DNAH17: variants seen among roughly 807,000 people sequenced by gnomAD.
DNAH17 encodes dynein axonemal heavy chain 17.
DNAH17 carries 376 observed loss-of-function variants against 485.6 expected under a neutral mutation model. That is an observed-to-expected ratio of 0.77 (90% CI 0.71 to 0.84). The LOEUF (loss-of-function observed/expected upper bound fraction) is 0.84. Among genes scored for constraint, DNAH17 ranks in the 40% least tolerant of loss-of-function variants. The pLI, the probability that DNAH17 is intolerant of heterozygous loss-of-function variation, is 0.00. For missense variants in DNAH17, 6,370 were observed against 5,839.3 expected (o/e 1.09, Z -2.96); for synonymous variants, 3,031 against 2,405.9 (o/e 1.26, Z -7.60).
At chr17:78,571,226 C>T (rs1482020831) in intron 5 of DNAH17, 53 bp downstream of exon 5, 2 of 1,518,994 alleles carry the variant, frequency 1.3e-6, no homozygotes, top group East Asian at 2.3e-5. Context: ...CCCAGCCCTC[C>T]CAGGAGGCAC....
chr17:78,428,351 C>T, intron 77 of DNAH17, 174 bp downstream of exon 77: 1 of 762,490 alleles, frequency 1.3e-6, no homozygotes, highest in Non-Finnish European at 2.2e-6. Context: ...GTCTGAGGAC[C>T]TGCTGACCAG....
At chr17:78,564,374 G>T (rs1421121265) in intron 11 of DNAH17, among the ~76,000 whole-genome samples, 1 of 152,186 alleles carries the variant, frequency 6.6e-6, no homozygotes, top group South Asian at 2.1e-4. Flanking sequence ...TAATTTTTCA[G>T]ATTTTTCCAC....
At chr17:78,487,607 T>C (rs913776962) in intron 44 of DNAH17, among the ~76,000 whole-genome samples, 1 of 152,160 alleles carries the variant, frequency 6.6e-6, no homozygotes, top group Non-Finnish European at 1.5e-5. Context: ...TCACTGCAAC[T>C]TCTGCCTCCT....
chr17:78,530,561 G>T (rs766375085), intron 20 of DNAH17, 49 bp from the exon 21 acceptor site: 2 of 1,563,948 alleles, frequency 1.3e-6, no homozygotes, highest in East Asian at 2.3e-5. Context: ...AAGCCTAGGG[G>T]GGGCGTCAGC....
intron 25 of DNAH17, among the ~76,000 whole-genome samples, chr17:78,524,296 C>T (rs950461430): frequency 6.6e-6 from 1 of 152,160 alleles, no homozygotes; most frequent in African/African-American, 2.4e-5. Context: ...CACCACCACG[C>T]CCAGTTAATT....
intron 19 of DNAH17, among the ~76,000 whole-genome samples, chr17:78,535,328 T>C (rs2091346553): frequency 6.6e-6 from 1 of 152,172 alleles, no homozygotes; most frequent in South Asian, 2.1e-4. Flanking sequence ...CACTTGGGCC[T>C]AAAATCACAG....
chr17:78,542,440 G>A (rs1005089244), intron 17 of DNAH17, among the ~76,000 whole-genome samples: 4 of 152,256 alleles, frequency 2.6e-5, no homozygotes, highest in South Asian at 2.1e-4. Context: ...GAGCCACTAC[G>A]CCCAGCCGTT....
At chr17:78,530,839 T>TAGCTC (rs1444446206) in intron 20 of DNAH17, among the ~76,000 whole-genome samples, 1 of 152,164 alleles carries the variant, frequency 6.6e-6, no homozygotes, top group Admixed American at 6.5e-5. Flanking sequence ...AGGGCATCCC[T>TAGCTC]AGCTCATCCT....
Position 78,423,783 on chromosome 17 carries a change from CT to C in DNAH17, c.*122del. The C allele has an allele frequency of 7.6e-7, 1 of 1,307,530 alleles. No individual in the cohort carries two copies. The highest frequency in any genetic ancestry group is 1.1e-6 in the Non-Finnish European group (1 of 943,632). The allele number at this position is 1,307,530 out of a possible 1,614,324, so 81.0% of individuals were successfully genotyped here. A position where few individuals can be genotyped will look rare whatever the true frequency, so the allele number is the denominator to read the frequency against. Reference sequence around the variant, plus strand: ...TCCGATGTGCTTGGTTACAAAGCACCTGATTATTTAAGAGAACGAAAAACCA... The same window carrying C: ...TCCGATGTGCTTGGTTACAAAGCACCGATTATTTAAGAGAACGAAAAACCA... On this transcript the variant is annotated 3_prime_UTR_variant, in exon 81 of 81. Transcript: ENST00000389840.
chr17:78,572,622 G>A (rs893063681), intron 3 of DNAH17, 79 bp downstream of exon 3: 10 of 1,296,650 alleles, frequency 7.7e-6, no homozygotes, highest in Non-Finnish European at 1.0e-5. Flanking sequence ...GGAGTGGGGT[G>A]GAGTGGGGTG....
At chr17:78,517,788 C>T (rs1455966224) in intron 25 of DNAH17, among the ~76,000 whole-genome samples, 3 of 152,202 alleles carry the variant, frequency 2.0e-5, no homozygotes, top group Non-Finnish European at 4.4e-5. Context: ...CTGTTACTTC[C>T]AGCTTCTCTC....
At position 78,486,001 on chromosome 17, in the gene DNAH17, T is replaced by TA; in HGVS notation, c.7233dup (p.Lys2412Ter). 1 of 1,613,812 alleles carries TA rather than the reference T, an allele frequency of 6.2e-7. No homozygotes were observed. The highest frequency in any genetic ancestry group is 1.1e-5 in the South Asian group (1 of 91,058). ...GGATCCAGCTCAAAGGAGGGCACTT[T>TA]ATCTGTCCAGGGCAGGAACTTTTTT... On this transcript the variant is annotated frameshift_variant, in exon 46 of 81. Coordinates refer to ENST00000389840, the MANE Select transcript of DNAH17 (RefSeq NM_173628.4). LOFTEE classifies it high-confidence loss of function.
At chr17:78,575,877 A>C (rs1413222529) in intron 1 of DNAH17, among the ~76,000 whole-genome samples, 1 of 152,262 alleles carries the variant, frequency 6.6e-6, no homozygotes, top group Non-Finnish European at 1.5e-5. Context: ...ATGCAAACAA[A>C]TTTATGAACA....
chr17:78,451,771 C>G, intron 65 of DNAH17, 98 bp from the exon 66 acceptor site: 1 of 1,067,678 alleles, frequency 9.4e-7, no homozygotes, highest in South Asian at 1.6e-5. Flanking sequence ...CAGGCCAGGC[C>G]GCCACCTTGA....
intron 16 of DNAH17, among the ~76,000 whole-genome samples, chr17:78,544,997 A>C (rs1433355357): frequency 6.6e-6 from 1 of 151,958 alleles, no homozygotes; most frequent in African/African-American, 2.4e-5. Context: ...CCTCCATCCC[A>C]TCCCCCACTG....
At chr17:78,449,282 T>C (rs2087443588) in intron 69 of DNAH17, 132 bp downstream of exon 69, 5 of 891,892 alleles carry the variant, frequency 5.6e-6, no homozygotes, top group Non-Finnish European at 5.1e-6. Flanking sequence ...CCTGGGTATA[T>C]TGCTAAAATG....
At chr17:78,458,752 G>A in intron 61 of DNAH17, 72 bp from the exon 62 acceptor site, 1 of 1,381,610 alleles carries the variant, frequency 7.2e-7, no homozygotes, top group African/African-American at 1.4e-5. Context: ...CGGCAGCAGG[G>A]CTGGGCCCTG....
chr17:78,459,841 T>A lies in DNAH17; in HGVS notation c.9596A>T (p.Asp3199Val), dbSNP rs754631344. The change falls in exon 60 of 81, where the codon GAC becomes GTC. Residue 3199 changes from aspartate to valine, a missense_variant. Coordinates refer to ENST00000389840, the MANE Select transcript of DNAH17 (RefSeq NM_173628.4). ...CTCCTTGTCGAACTTCTTCAGGGAG[T>A]CTAGGAAGGTGTCCACCTTGCCCAT... ...IMMGKVDTFL[D>V]SLKKFDKEHI... 2.5e-6 allele frequency: 4 copies of A among 1,613,688 alleles called. No individual in the cohort carries two copies. Among genetic ancestry groups the A allele is most frequent in the Non-Finnish European group, 8.5e-7 (1 of 1,179,858 alleles).
At chr17:78,559,904 G>A (rs1381586442) in intron 13 of DNAH17, among the ~76,000 whole-genome samples, 1 of 152,084 alleles carries the variant, frequency 6.6e-6, no homozygotes, top group Non-Finnish European at 1.5e-5. Context: ...ATGCCGTGCT[G>A]CAAAGCTGTT....
Sources: allele counts gnomAD v4.1 joint callset (sites outside exome capture counted in the v4.1 genomes callset), GRCh38; gene constraint gnomAD v4.1.1; transcripts MANE v1.5; gene names NCBI Gene and HGNC (gene_info 2026-07-23, HGNC 2026-07-21).